Variants in NFU1 observed in about 807,000 individuals in gnomAD.
The protein encoded by NFU1 is NFU1 iron-sulfur cluster scaffold, also known as NFU1 iron-sulfur cluster scaffold homolog, mitochondrial.
Under a neutral mutation model 32.2 loss-of-function variants are expected in NFU1, and 30 were observed. The ratio of observed to expected loss-of-function variants is 0.93; its 90% confidence interval spans 0.70 to 1.26. The LOEUF is 1.26. Ranked by LOEUF, NFU1 falls within the 50% of genes most tolerant of loss-of-function variation. NFU1 has a pLI of 0.00. For missense variants in NFU1, 306 were observed against 306.6 expected (o/e 1.00, Z 0.02); for synonymous variants, 112 against 104.6 (o/e 1.07, Z -0.43).
At chr2:69,428,287 T>C (rs1673532295) in intron 2 of NFU1, among the ~76,000 whole-genome samples, 1 of 152,024 alleles carries the variant, frequency 6.6e-6, no homozygotes, top group South Asian at 2.1e-4. Context: ...TAGCCAGGTG[T>C]GGTGATGTGC....
At chr2:69,402,044 C>A (rs1187422063) in intron 6 of NFU1, among the ~76,000 whole-genome samples, 1 of 152,078 alleles carries the variant, frequency 6.6e-6, no homozygotes, top group Non-Finnish European at 1.5e-5. Flanking sequence ...CAGGCATGCA[C>A]CAATACCCCC....
intron 2 of NFU1, among the ~76,000 whole-genome samples, chr2:69,425,869 G>T (rs1339450094): frequency 6.6e-6 from 1 of 152,152 alleles, no homozygotes; most frequent in African/African-American, 2.4e-5. Flanking sequence ...AGACACGGAG[G>T]CTTAGAGATA....
At chr2:69,423,148 G>T (rs933464728) in intron 3 of NFU1, among the ~76,000 whole-genome samples, 10 of 96,368 alleles carry the variant, frequency 1.0e-4, no homozygotes, top group Non-Finnish European at 4.4e-5. Flanking sequence ...AGCTAAATTT[G>T]TGTGTGTGTG....
At chr2:69,439,269 G>A (rs984082966), upstream of NFU1, among the ~76,000 whole-genome samples, 1 of 152,092 alleles carries the variant, frequency 6.6e-6, no homozygotes, top group Non-Finnish European at 1.5e-5. Flanking sequence ...GGAATTGGTG[G>A]GTTCTTGGTC....
chr2:69,413,805 T>C (rs933642653), intron 5 of NFU1, among the ~76,000 whole-genome samples: 7 of 148,496 alleles, frequency 4.7e-5, no homozygotes, highest in African/African-American at 1.8e-4. Flanking sequence ...TCCCAGCACT[T>C]TGGGAGGCCG....
intron 7 of NFU1, among the ~76,000 whole-genome samples, chr2:69,398,244 C>A (rs1181231070): frequency 1.3e-5 from 2 of 152,120 alleles, no homozygotes; most frequent in Non-Finnish European, 2.9e-5. Context: ...GGAGCTTCCA[C>A]GTAAACATAA....
intron 3 of NFU1, 101 bp from the exon 4 acceptor site, chr2:69,419,705 T>G: frequency 1.4e-6 from 1 of 730,496 alleles, no homozygotes; most frequent in Non-Finnish European, 2.4e-6. Flanking sequence ...CCACATATCC[T>G]TTGCAGCTTT....
In NFU1 at chr2:69,400,535, T is replaced by C; in HGVS notation, c.549A>G (p.Pro183=). Residue 183 remains proline (P), a synonymous_variant, in exon 7 of 8, where the codon CCA becomes CCG. Coordinates refer to ENST00000410022, the MANE Select transcript of NFU1 (RefSeq NM_001002755.4). ...CATCCCCTCCATCTTCCTGCACAGTTGGCCTGTGAGGTCAAAGAATATTTA... is the reference window on the plus strand; with the variant it reads ...CATCCCCTCCATCTTCCTGCACAGTCGGCCTGTGAGGTCAAAGAATATTTA... ...IKELLDTRIR[P]TVQEDGGDVI... 1 of 1,613,928 alleles carries C rather than the reference T, an allele frequency of 6.2e-7. No individual in the cohort carries two copies. Among genetic ancestry groups the C allele is most frequent in the South Asian group, 1.1e-5 (1 of 91,046 alleles).
At position 69,426,753 on chromosome 2, in the gene NFU1, A is replaced by G. The variant is rs954036190; in HGVS notation, c.167-3036T>C. The stretch of plus-strand genomic sequence containing the variant: ...CATTTTAATAGTTTTAAAACTATTA[A>G]ACAGATCTGATTATTCATTATGAAT... On this transcript the variant is annotated intron_variant, in intron 2 of 7. Transcript: ENST00000410022. Among the ~76,000 whole-genome samples the G allele has an allele frequency of 2.0e-5, 3 of 152,118 alleles. No homozygotes were observed. In the East Asian group the frequency reaches 5.8e-4, roughly 29 times the overall value.
chr2:69,424,474 G>C (rs1673389179), intron 2 of NFU1, among the ~76,000 whole-genome samples: 1 of 151,694 alleles, frequency 6.6e-6, no homozygotes, highest in African/African-American at 2.4e-5. Context: ...TTTTTTTGCA[G>C]AGACAGGGTC....
intron 2 of NFU1, among the ~76,000 whole-genome samples, chr2:69,425,867 A>C (rs1397544839): frequency 6.6e-6 from 1 of 152,226 alleles, no homozygotes; most frequent in Non-Finnish European, 1.5e-5. Context: ...GAAGACACGG[A>C]GGCTTAGAGA....
intron 5 of NFU1, among the ~76,000 whole-genome samples, chr2:69,412,207 T>C (rs1051338154): frequency 2.8e-5 from 4 of 141,306 alleles, no homozygotes; most frequent in African/African-American, 1.0e-4. Flanking sequence ...CGTGCCACCA[T>C]GCCCAGCTGA....
At chr2:69,397,617 T>TA (rs11454493) in intron 7 of NFU1, among the ~76,000 whole-genome samples, 73,822 of 143,142 alleles carry the variant, frequency 0.52, 19,228 homozygotes, top group African/African-American at 0.72. Context: ...GTTTTTTTTT[T>TA]TAAAAAAAAT....
At chr2:69,437,165 G>A (rs535384203) in intron 1 of NFU1, 196 bp downstream of exon 1, 4 of 1,248,786 alleles carry the variant, frequency 3.2e-6, no homozygotes, top group Non-Finnish European at 4.3e-6. Context: ...GAGTCCGCCC[G>A]GATTAGGCCA....
At chr2:69,435,703 C>T (rs1399393027) in intron 1 of NFU1, among the ~76,000 whole-genome samples, 1 of 152,180 alleles carries the variant, frequency 6.6e-6, no homozygotes, top group East Asian at 1.9e-4. Flanking sequence ...CTGACTGCCA[C>T]TCCCCACACT....
chr2:69,399,946 C>A (rs181908930), intron 7 of NFU1, among the ~76,000 whole-genome samples: 60 of 151,752 alleles, frequency 4.0e-4, no homozygotes, highest in Admixed American at 3.9e-3. Flanking sequence ...GATCTCGGCT[C>A]ACCGCAACCT....
intron 6 of NFU1, among the ~76,000 whole-genome samples, chr2:69,405,237 T>TAA (rs889617095): frequency 2.0e-5 from 3 of 151,330 alleles, no homozygotes; most frequent in Non-Finnish European, 3.0e-5. Context: ...GACTCCGTCT[T>TAA]AAAAAAAAAC....
intron 5 of NFU1, among the ~76,000 whole-genome samples, chr2:69,408,133 T>C (rs1672760288): frequency 6.6e-6 from 1 of 152,156 alleles, no homozygotes; most frequent in African/African-American, 2.4e-5. Context: ...ATCCCTTCCA[T>C]AGACAATAAC....
At chr2:69,424,878 C>CT (rs34708604) in intron 2 of NFU1, among the ~76,000 whole-genome samples, 86,809 of 133,638 alleles carry the variant, frequency 0.65, 29,253 homozygotes, top group African/African-American at 0.81. Flanking sequence ...GGGTCAAACG[C>CT]TTTTTTTTTT....
Sources: allele counts gnomAD v4.1 joint callset (sites outside exome capture counted in the v4.1 genomes callset), GRCh38; gene constraint gnomAD v4.1.1; transcripts MANE v1.5; gene names NCBI Gene and HGNC (gene_info 2026-07-23, HGNC 2026-07-21).